Variants in NTRK3 observed in about 807,000 individuals in gnomAD.
NTRK3 encodes NT-3 growth factor receptor.
In NTRK3, 24 loss-of-function variants were observed where a neutral mutation model predicts 91.7. The ratio of observed to expected loss-of-function variants is 0.26; its 90% CI spans 0.19 to 0.37. The LOEUF (loss-of-function observed/expected upper bound fraction) is 0.37. Among genes scored for constraint, NTRK3 ranks in the 10% least tolerant of loss-of-function variants. The pLI, the probability that NTRK3 is intolerant of heterozygous loss-of-function variation, is 1.00. For missense variants in NTRK3, 880 were observed against 1,068.9 expected, an observed-to-expected ratio of 0.82 and a Z score of 2.46; for synonymous variants, 483 against 404.0, an observed-to-expected ratio of 1.20 and a Z score of -2.34.
intron 14 of NTRK3, chr15:87,978,333 A>T (rs1233977600): frequency 4.3e-6 from 1 of 230,070 alleles, no homozygotes; most frequent in Non-Finnish European, 8.6e-6. Context: ...GTGCCATGAG[A>T]GGGGCTGGAG....
rs1237865212 is a variant in NTRK3, at chr15:88,099,392, G to A, written c.1396+26879C>T. The A allele has an allele frequency of 2.1e-5, 4 of 186,922 alleles. No individual in the cohort carries two copies. The Admixed American group carries it at 2.5e-4, about 12-fold the overall frequency. The allele number at this position is 186,922 out of a possible 1,614,324, so 11.6% of individuals were successfully genotyped here. A position where few individuals can be genotyped will look rare whatever the true frequency, so the allele number is the denominator to read the frequency against. Reference sequence around the variant, plus strand: ...ACAGTACCTGCTAAAAGCTAAAAAAGTCTCTCATCAAGAGAGGCTGGACAA... The same window carrying A: ...ACAGTACCTGCTAAAAGCTAAAAAAATCTCTCATCAAGAGAGGCTGGACAA... On this transcript the variant is annotated intron_variant, in intron 13 of 18. Transcript: ENST00000394480.
intron 13 of NTRK3, among the ~76,000 whole-genome samples, chr15:88,075,527 G>A (rs1307272942): frequency 3.9e-5 from 6 of 152,274 alleles, no homozygotes; most frequent in Admixed American, 2.6e-4. Context: ...CCCCAGCAGA[G>A]CCACTTCACC....
intron 13 of NTRK3, among the ~76,000 whole-genome samples, chr15:88,060,619 G>A (rs1365448696): frequency 6.6e-6 from 1 of 152,100 alleles, no homozygotes; most frequent in African/African-American, 2.4e-5. Flanking sequence ...ATCCAGAAGA[G>A]CAGGCACTTT....
intron 13 of NTRK3, among the ~76,000 whole-genome samples, chr15:88,040,061 G>C (rs980642012): frequency 6.6e-6 from 1 of 152,246 alleles, no homozygotes; most frequent in African/African-American, 2.4e-5. Context: ...AATTGTGGGA[G>C]CTAAGAACAT....
At chr15:87,876,904 C>T (rs2141434004) in exon 19 of NTRK3, 1 of 1,612,104 alleles carries the variant, frequency 6.2e-7, no homozygotes, top group Non-Finnish European at 8.5e-7. Flanking sequence ...GAGGAGGCAA[C>T]AGAGTATGAA....
chr15:87,983,445 C>T (rs2074470783), intron 14 of NTRK3, among the ~76,000 whole-genome samples: 1 of 152,196 alleles, frequency 6.6e-6, no homozygotes. Flanking sequence ...CAATACCCAA[C>T]TATGCCAATC....
At chr15:87,900,403 C>T (rs1317312406) in intron 17 of NTRK3, among the ~76,000 whole-genome samples, 1 of 152,132 alleles carries the variant, frequency 6.6e-6, no homozygotes, top group African/African-American at 2.4e-5. Context: ...AACCAGGAAC[C>T]TTAGTGAAAA....
intron 14 of NTRK3, among the ~76,000 whole-genome samples, chr15:88,017,217 C>G (rs2077296179): frequency 6.6e-6 from 1 of 152,152 alleles, no homozygotes; most frequent in Non-Finnish European, 1.5e-5. Context: ...GAGGGGCCTT[C>G]ATTAGCTTTT....
intron 17 of NTRK3, among the ~76,000 whole-genome samples, chr15:87,921,390 C>A (rs1393910796): frequency 3.3e-5 from 5 of 152,176 alleles, no homozygotes; most frequent in East Asian, 1.9e-4. Flanking sequence ...AGGGACAAAT[C>A]TGGATAAGCC....
chr15:87,925,485 C>A (rs1010542411), intron 17 of NTRK3: 23 of 186,522 alleles, frequency 1.2e-4, no homozygotes, highest in Non-Finnish European at 2.2e-4. Flanking sequence ...GGATTATCTG[C>A]ACTTAGTGGT....
chr15:87,870,375 C>T, exon 19 of NTRK3: 1 of 199,702 alleles, frequency 5.0e-6, no homozygotes, highest in Admixed American at 6.0e-5. Context: ...TATGTGGGAG[C>T]TAAGCTGTGA....
intron 14 of NTRK3, among the ~76,000 whole-genome samples, chr15:88,013,952 T>C (rs895829924): frequency 6.6e-6 from 1 of 152,044 alleles, no homozygotes; most frequent in Non-Finnish European, 1.5e-5. Context: ...TCAATTTTTT[T>C]AAAAAAAGAC....
chr15:88,224,051 C>T (rs766021588), intron 3 of NTRK3, among the ~76,000 whole-genome samples: 1 of 152,164 alleles, frequency 6.6e-6, no homozygotes, highest in African/African-American at 2.4e-5. Flanking sequence ...GGGCCGGAGA[C>T]CTATTGTCTG....
chr15:87,874,346 C>T (rs2064896110), exon 19 of NTRK3: 1 of 113,806 alleles, frequency 8.8e-6, no homozygotes, highest in Non-Finnish European at 1.7e-5. Flanking sequence ...GAACATGACC[C>T]CAAGATCAGC....
rs944663172 is a variant in NTRK3 at position 88,235,232 on chromosome 15, G to A, written c.248+20674C>T. On this transcript the variant is annotated intron_variant, in intron 3 of 18. Transcript: ENST00000394480. The surrounding 1 kb of genome is among the most constrained non-coding windows in gnomAD (Gnocchi z 5.2). ...AATTGTAAGGTCCCAGGCCAGAAAC[G>A]TTGTGTCTTGCACATCACAGAATCA... 2.0e-5 allele frequency among the ~76,000 whole-genome samples: 3 copies of A among 152,170 alleles called. No homozygotes were observed. The highest frequency in any genetic ancestry group is 2.1e-4 in the South Asian group (1 of 4,832).
At chr15:87,949,293 A>C (rs951536585) in intron 14 of NTRK3, among the ~76,000 whole-genome samples, 3 of 152,086 alleles carry the variant, frequency 2.0e-5, no homozygotes, top group African/African-American at 7.2e-5. Context: ...TTGAACCAGG[A>C]AAGTACTGAG....
At chr15:88,250,531 GCCTGGCC>G (rs2053242545) in intron 3 of NTRK3, among the ~76,000 whole-genome samples, 1 of 152,206 alleles carries the variant, frequency 6.6e-6, no homozygotes, top group Non-Finnish European at 1.5e-5. Flanking sequence ...ATAAGAGCTG[GCCTGGCC>G]CCTGCGAGGG....
At chr15:88,143,045 T>C (rs2042541027) in intron 6 of NTRK3, among the ~76,000 whole-genome samples, 2 of 151,162 alleles carry the variant, frequency 1.3e-5, no homozygotes, top group South Asian at 2.1e-4. Flanking sequence ...TGAAACCCCA[T>C]CTCTACTAAA....
rs372928163 is a variant in NTRK3, at chr15:88,016,837, C to T, written c.1585+16020G>A. ...TCTTTTCTTCCAGGTTTTGTTTTTACTTCCTCCCTTCTCTGGGGATATTTT... is the reference window on the plus strand; with the variant it reads ...TCTTTTCTTCCAGGTTTTGTTTTTATTTCCTCCCTTCTCTGGGGATATTTT... On this transcript the variant is annotated intron_variant, in intron 14 of 18. Transcript: ENST00000394480. Among the ~76,000 whole-genome samples the T allele has an allele frequency of 4.6e-5, 7 of 150,986 alleles. No homozygotes were observed. The East Asian group carries it at 5.9e-4, about 13-fold the overall frequency.
Sources: gnomAD v4.1 joint callset for allele counts (sites outside exome capture counted in the v4.1 genomes callset) on GRCh38, gnomAD v4.1.1 for gene constraint, Gnocchi (gnomAD v3.1) non-coding constraint, MANE v1.5 for transcripts, NCBI Gene and HGNC (gene_info 2026-07-23, HGNC 2026-07-21) for gene names.